The following SEPTIN7 variants were observed in gnomAD, a reference collection of about 807,000 sequenced individuals.
SEPTIN7 encodes the protein septin 7.
In SEPTIN7, 10 loss-of-function variants were observed where a neutral mutation model predicts 63.3. The observed-to-expected ratio is 0.16, with a 90% CI of 0.10 to 0.27. The LOEUF (loss-of-function observed/expected upper bound fraction) is 0.27, where lower values mean the gene tolerates loss of function less well. Ranked by LOEUF, SEPTIN7 falls within the 10% of genes least tolerant of loss-of-function variation. The pLI, the probability that SEPTIN7 is intolerant of heterozygous loss-of-function variation, is 1.00. For missense variants in SEPTIN7, 310 were observed against 521.0 expected, an observed-to-expected ratio of 0.59 and a Z score of 3.94; for synonymous variants, 131 against 165.3, an observed-to-expected ratio of 0.79 and a Z score of 1.59.
At chr7:35,836,955 C>T (rs992797863) in intron 3 of SEPTIN7, among the ~76,000 whole-genome samples, 3 of 151,960 alleles carry the variant, frequency 2.0e-5, no homozygotes, top group Non-Finnish European at 4.4e-5. Context: ...ATAATGACTT[C>T]ACAACATTGG....
chr7:35,855,345 T>C (rs1029448000), intron 3 of SEPTIN7, among the ~76,000 whole-genome samples: 5 of 152,186 alleles, frequency 3.3e-5, no homozygotes, highest in African/African-American at 1.2e-4. Flanking sequence ...AGTGCTTAGG[T>C]TCCTTGGATT....
chr7:35,845,643 G>A (rs897156945), intron 3 of SEPTIN7, among the ~76,000 whole-genome samples: 10 of 152,214 alleles, frequency 6.6e-5, no homozygotes, highest in African/African-American at 2.2e-4. Flanking sequence ...TTCTGTGCAG[G>A]TAAATATCGT....
intron 8 of SEPTIN7, 74 bp downstream of exon 8, chr7:35,882,650 T>A: frequency 2.5e-6 from 3 of 1,213,510 alleles, no homozygotes; most frequent in Non-Finnish European, 2.1e-6. Flanking sequence ...ACAGGAAAGA[T>A]CAAAAGTATC....
chr7:35,896,886 C>T (rs1383085981), intron 11 of SEPTIN7, among the ~76,000 whole-genome samples: 1 of 152,214 alleles, frequency 6.6e-6, no homozygotes, highest in Non-Finnish European at 1.5e-5. Flanking sequence ...TATATCACAT[C>T]TTTGTTCTTG....
In SEPTIN7 at chr7:35,801,125, G is replaced by T; in HGVS notation, c.-85G>T. 1.7e-6 allele frequency: 2 copies of T among 1,164,372 alleles called. No homozygotes were observed. The highest frequency in any genetic ancestry group is 1.6e-5 in the South Asian group (1 of 61,226). The allele number at this position is 1,164,372 out of a possible 1,614,324, so 72.1% of individuals were successfully genotyped here. On this transcript the variant is annotated 5_prime_UTR_variant, in exon 1 of 14. Transcript: ENST00000350320. Reference sequence around the variant, plus strand: ...CGTAAGCAAGGCAGCTACGCCGGGCGGCTACGCTGCGGAATCGGCGTAGGC... The same window carrying T: ...CGTAAGCAAGGCAGCTACGCCGGGCTGCTACGCTGCGGAATCGGCGTAGGC...
chr7:35,862,157 TC>T (rs1785543208), intron 3 of SEPTIN7, among the ~76,000 whole-genome samples: 2 of 152,090 alleles, frequency 1.3e-5, no homozygotes, highest in Non-Finnish European at 2.9e-5. Context: ...CTAAGAAAAA[TC>T]ATCCGTATTG....
At chr7:35,834,112 C>G (rs530253848) in intron 3 of SEPTIN7, among the ~76,000 whole-genome samples, 285 of 151,898 alleles carry the variant, frequency 1.9e-3, no homozygotes, top group Non-Finnish European at 3.3e-3. Flanking sequence ...ACCTTTTCTT[C>G]GGTAGGTTGG....
At chr7:35,856,727 GT>G (rs1785233217) in intron 3 of SEPTIN7, among the ~76,000 whole-genome samples, 1 of 152,068 alleles carries the variant, frequency 6.6e-6, no homozygotes, top group South Asian at 2.1e-4. Context: ...GGGAGCTTTT[GT>G]TTCACCTTAT....
chr7:35,837,564 G>A (rs1163833582), intron 3 of SEPTIN7, among the ~76,000 whole-genome samples: 1 of 152,070 alleles, frequency 6.6e-6, no homozygotes, highest in Non-Finnish European at 1.5e-5. Flanking sequence ...TGATTTAAGG[G>A]TTTTGATACA....
the SEPTIN7 span, among the ~76,000 whole-genome samples, chr7:35,913,791 C>T: frequency 1.3e-5 from 2 of 152,122 alleles, no homozygotes; most frequent in Non-Finnish European, 1.5e-5. Flanking sequence ...GATTTCACCA[C>T]ATTGCCTAGT....
intron 3 of SEPTIN7, among the ~76,000 whole-genome samples, chr7:35,857,281 A>C (rs1785260261): frequency 6.6e-6 from 1 of 152,220 alleles, no homozygotes; most frequent in South Asian, 2.1e-4. Context: ...GTTGAATTGG[A>C]ATCAGAAATT....
chr7:35,885,344 C>G (rs1287008011), intron 9 of SEPTIN7, among the ~76,000 whole-genome samples: 14 of 152,190 alleles, frequency 9.2e-5, no homozygotes, highest in South Asian at 6.2e-4. Context: ...TTGCATCTCT[C>G]TTTTGTAGTT....
Position 35,862,796 on chromosome 7 carries a change from A to C in SEPTIN7, c.170-756A>C, listed in dbSNP as rs192938949. ...GTTGTCATAATATGGTTTATAATTT[A>C]TTTTAACCTTAGGTTATATATACCT... On this transcript the variant is annotated intron_variant, in intron 3 of 13. Transcript: ENST00000350320. Among the ~76,000 whole-genome samples the C allele has an allele frequency of 7.2e-5, 11 of 152,236 alleles. 1 individual carries two copies. Among genetic ancestry groups the C allele is most frequent in the Admixed American group, 7.2e-4 (11 of 15,288 alleles).
chr7:35,848,829 T>C (rs1429891946), intron 3 of SEPTIN7, among the ~76,000 whole-genome samples: 2 of 152,228 alleles, frequency 1.3e-5, no homozygotes, highest in Non-Finnish European at 2.9e-5. Flanking sequence ...AATGTAATTG[T>C]CCACTTGAAC....
intron 3 of SEPTIN7, among the ~76,000 whole-genome samples, chr7:35,862,903 A>G (rs1017742241): frequency 6.8e-6 from 1 of 147,468 alleles, no homozygotes; most frequent in Admixed American, 6.6e-5. Context: ...GGAGAGTCAA[A>G]AAAGAGTACG....
At chr7:35,834,001 A>T (rs879292204) in intron 3 of SEPTIN7, among the ~76,000 whole-genome samples, 1 of 152,020 alleles carries the variant, frequency 6.6e-6, no homozygotes, top group Admixed American at 6.6e-5. Context: ...TACCTTGTCT[A>T]TGTATCTCTT....
downstream of SEPTIN7, among the ~76,000 whole-genome samples, chr7:35,911,837 G>A (rs976008803): frequency 2.6e-5 from 4 of 152,168 alleles, no homozygotes; most frequent in African/African-American, 9.7e-5. Flanking sequence ...TTTGGATATT[G>A]CAAAATTAAA....
At chr7:35,805,615 G>A (rs1788281017) in intron 1 of SEPTIN7, among the ~76,000 whole-genome samples, 1 of 152,158 alleles carries the variant, frequency 6.6e-6, no homozygotes, top group African/African-American at 2.4e-5. Flanking sequence ...TTTTAGGCCA[G>A]TGTTAACTTT....
intron 4 of SEPTIN7, among the ~76,000 whole-genome samples, chr7:35,864,611 G>T (rs1253775058): frequency 6.6e-6 from 1 of 152,118 alleles, no homozygotes; most frequent in Non-Finnish European, 1.5e-5. Flanking sequence ...TATTTTGGAT[G>T]TATCAGGTTA....
Sources: allele counts gnomAD v4.1 joint callset (sites outside exome capture counted in the v4.1 genomes callset), GRCh38; gene constraint gnomAD v4.1.1; transcripts MANE v1.5; gene names NCBI Gene and HGNC (gene_info 2026-07-23, HGNC 2026-07-21).